The following ASB3 variants were observed in gnomAD, a reference collection of about 807,000 sequenced individuals.
ASB3 encodes ankyrin repeat and SOCS box containing 3.
ASB3 carries 41 observed loss-of-function variants against 54.5 expected under a neutral mutation model. That is an observed-to-expected ratio of 0.75 (90% CI 0.59 to 0.98). The LOEUF is 0.98. Ranked by LOEUF, ASB3 falls within the 50% of genes least tolerant of loss-of-function variation. The pLI is 0.00. For synonymous variants in ASB3, 266 were observed against 221.2 expected (o/e 1.20, Z -1.80); for missense variants, 733 against 620.0 (o/e 1.18, Z -1.94).
chr2:53,737,391 A>C (rs776170552), intron 3 of ASB3, among the ~76,000 whole-genome samples: 8 of 152,158 alleles, frequency 5.3e-5, no homozygotes, highest in Non-Finnish European at 8.8e-5. Flanking sequence ...AAGTGGTTGA[A>C]ATCTGCAGGT....
intron 2 of ASB3, among the ~76,000 whole-genome samples, chr2:53,758,371 C>G (rs148085691): frequency 7.2e-4 from 110 of 152,256 alleles, no homozygotes; most frequent in African/African-American, 2.6e-3. Flanking sequence ...GGGCGTATTC[C>G]TACAAGGGAA....
At chr2:53,706,454 T>G (rs1193912159) in intron 7 of ASB3, among the ~76,000 whole-genome samples, 1 of 152,132 alleles carries the variant, frequency 6.6e-6, no homozygotes, top group Non-Finnish European at 1.5e-5. Context: ...CTTCTTTTTT[T>G]TTTTGTTTTT....
At chr2:53,690,073 A>G (rs972584080) in intron 9 of ASB3, among the ~76,000 whole-genome samples, 8 of 151,664 alleles carry the variant, frequency 5.3e-5, no homozygotes, top group African/African-American at 1.9e-4. Context: ...CTGTCTCAAC[A>G]AAAAATACAA....
chr2:53,679,705 C>T (rs1266312837), intron 9 of ASB3, among the ~76,000 whole-genome samples: 3 of 152,148 alleles, frequency 2.0e-5, no homozygotes, highest in Non-Finnish European at 4.4e-5. Context: ...CTGTACTAAT[C>T]AAAGAACTAT....
chr2:53,716,870 G>C (rs1465155813), intron 5 of ASB3, 127 bp from the exon 6 acceptor site: 3 of 1,058,160 alleles, frequency 2.8e-6, no homozygotes, highest in Middle Eastern at 3.1e-4. Flanking sequence ...ACTGAATGTT[G>C]GATGTTGTTA....
chr2:53,771,953 A>C (rs1673946413), intron 1 of ASB3: 1 of 1,450,724 alleles, frequency 6.9e-7, no homozygotes, highest in Non-Finnish European at 9.4e-7. Context: ...GTATGGTATA[A>C]ATATTCTTTT....
intron 5 of ASB3, among the ~76,000 whole-genome samples, chr2:53,727,677 C>G (rs1671080352): frequency 6.6e-6 from 1 of 152,082 alleles, no homozygotes; most frequent in South Asian, 2.1e-4. Flanking sequence ...TTTGTATGAT[C>G]TATTTTCTAT....
Position 53,786,945 on chromosome 2 carries a change from G to C in ASB3, c.-138C>G, listed in dbSNP as rs373371420. 10 of 429,678 alleles carry C rather than the reference G, an allele frequency of 2.3e-5. No homozygotes were observed. In the South Asian group the frequency reaches 4.8e-4, roughly 21 times the overall value. 26.6% of individuals were successfully genotyped at this position (429,678 alleles called of 1,614,324 possible). ...GCAGCCGTCCGAAAACGAGAGACGCGCAGGCGACGTCCCGGCCCCCGTAGG... is the reference window on the plus strand; with the variant it reads ...GCAGCCGTCCGAAAACGAGAGACGCCCAGGCGACGTCCCGGCCCCCGTAGG... On this transcript the variant is annotated 5_prime_UTR_variant, in exon 1 of 10. Coordinates refer to ENST00000263634, the MANE Select transcript of ASB3 (RefSeq NM_016115.5).
chr2:53,684,985 A>G (rs1668559627), intron 9 of ASB3, among the ~76,000 whole-genome samples: 1 of 152,182 alleles, frequency 6.6e-6, no homozygotes, highest in South Asian at 2.1e-4. Flanking sequence ...AAATGTTGGC[A>G]CATCTGTGAA....
chr2:53,749,189 C>T (rs551356849), intron 3 of ASB3, among the ~76,000 whole-genome samples: 71 of 151,978 alleles, frequency 4.7e-4, no homozygotes, highest in Non-Finnish European at 9.4e-4. Context: ...GGAAAATAAT[C>T]ATATGAATAG....
At chr2:53,694,829 GA>G (rs1377117517) in intron 8 of ASB3, among the ~76,000 whole-genome samples, 2 of 152,054 alleles carry the variant, frequency 1.3e-5, no homozygotes, top group Non-Finnish European at 2.9e-5. Context: ...AACTATATGT[GA>G]AAATAATATG....
intron 3 of ASB3, 124 bp downstream of exon 3, chr2:53,750,659 G>T: frequency 9.5e-7 from 1 of 1,049,672 alleles, no homozygotes; most frequent in Non-Finnish European, 1.3e-6. Context: ...CAAGGAAGTA[G>T]TGGTATGATA....
At chr2:53,772,617 T>A (rs527515322) in intron 1 of ASB3, among the ~76,000 whole-genome samples, 1 of 152,106 alleles carries the variant, frequency 6.6e-6, no homozygotes, top group African/African-American at 2.4e-5. Context: ...TTGCTACCAG[T>A]CTCATTTTCA....
chr2:53,780,452 T>C (rs537302146), intron 1 of ASB3, among the ~76,000 whole-genome samples: 2 of 152,084 alleles, frequency 1.3e-5, no homozygotes, highest in East Asian at 3.9e-4. Context: ...AGCAAACAAA[T>C]CTATGTTATT....
intron 2 of ASB3, among the ~76,000 whole-genome samples, chr2:53,752,642 G>T (rs1035607542): frequency 6.6e-6 from 1 of 152,262 alleles, no homozygotes; most frequent in Non-Finnish European, 1.5e-5. Context: ...GACCTGGGCA[G>T]CATTTGGCTG....
At chr2:53,771,938 C>T in intron 1 of ASB3, 1 of 1,543,682 alleles carries the variant, frequency 6.5e-7, no homozygotes, top group Non-Finnish European at 8.8e-7. Flanking sequence ...GTTGAAGATC[C>T]TGCGGTATGG....
chr2:53,693,298 C>T (rs1669012248), intron 9 of ASB3, among the ~76,000 whole-genome samples: 1 of 152,076 alleles, frequency 6.6e-6, no homozygotes, highest in South Asian at 2.1e-4. Context: ...ATTTTTTCAA[C>T]TAGCTTAAAA....
chr2:53,693,552 C>A (rs1461325493), intron 9 of ASB3, among the ~76,000 whole-genome samples: 1 of 152,010 alleles, frequency 6.6e-6, no homozygotes, highest in Non-Finnish European at 1.5e-5. Flanking sequence ...ATTTTTCTGA[C>A]CACAAAGTAC....
chr2:53,728,334 C>T (rs62137573), intron 5 of ASB3, among the ~76,000 whole-genome samples: 12,821 of 152,070 alleles, frequency 0.084, 602 homozygotes, highest in East Asian at 0.15. Flanking sequence ...AATTAACATA[C>T]CCCTCAGAGC....
Sources: gnomAD v4.1 joint callset for allele counts (sites outside exome capture counted in the v4.1 genomes callset) on GRCh38, gnomAD v4.1.1 for gene constraint, MANE v1.5 for transcripts, NCBI Gene and HGNC (gene_info 2026-07-23, HGNC 2026-07-21) for gene names.